Variants in CPED1 observed in about 807,000 individuals in gnomAD.
The protein encoded by CPED1 is cadherin like and PC-esterase domain containing 1.
CPED1 carries 114 observed loss-of-function variants against 128.2 expected under a neutral mutation model. The observed-to-expected ratio is 0.89, with a 90% CI of 0.76 to 1.04. CPED1 has a LOEUF of 1.04. CPED1 is among the 50% of genes least tolerant of loss of function. The pLI is 0.00. For missense variants in CPED1, 1,211 were observed against 1,207.1 expected (o/e 1.00, Z -0.05); for synonymous variants, 462 against 426.7 (o/e 1.08, Z -1.02).
intron 5 of CPED1, among the ~76,000 whole-genome samples, chr7:121,093,590 C>T (rs965676109): frequency 7.9e-5 from 12 of 152,130 alleles, no homozygotes; most frequent in African/African-American, 2.9e-4. Flanking sequence ...AGACTGCATC[C>T]ACAGGGCAAC....
chr7:121,198,002 T>C (rs1221567333), intron 16 of CPED1, among the ~76,000 whole-genome samples: 3 of 152,172 alleles, frequency 2.0e-5, no homozygotes, highest in African/African-American at 7.2e-5. Context: ...TGGGGAGATA[T>C]GTTCAGAAAT....
chr7:121,194,022 C>CTCTCTCTATATA (rs1484413430), intron 16 of CPED1, among the ~76,000 whole-genome samples: 2 of 74,748 alleles, frequency 2.7e-5, no homozygotes, highest in East Asian at 3.8e-4. Flanking sequence ...CTCTCTCTCT[C>CTCTCTCTATATA]TATATATATA....
intron 16 of CPED1, among the ~76,000 whole-genome samples, chr7:121,179,749 C>T (rs1403359297): frequency 6.6e-6 from 1 of 152,042 alleles, no homozygotes; most frequent in South Asian, 2.1e-4. Context: ...TATTAAAGGT[C>T]ATTGTTCCTT....
intron 16 of CPED1, among the ~76,000 whole-genome samples, chr7:121,228,878 A>G (rs1183786767): frequency 1.3e-5 from 2 of 152,114 alleles, no homozygotes; most frequent in Non-Finnish European, 2.9e-5. Context: ...TAAACCAGGC[A>G]CAAAAAGACA....
intron 16 of CPED1, among the ~76,000 whole-genome samples, chr7:121,194,048 ATTT>A (rs68159246): frequency 1.1e-3 from 54 of 47,436 alleles, no homozygotes; most frequent in African/African-American, 2.5e-3. Flanking sequence ...ATATATATAT[ATTT>A]TTTTTTTTTT....
intron 2 of CPED1, among the ~76,000 whole-genome samples, chr7:120,990,846 C>A (rs750006068): frequency 6.6e-6 from 1 of 152,142 alleles, no homozygotes; most frequent in African/African-American, 2.4e-5. Context: ...CCATTATTAC[C>A]AAAACCTCCA....
rs1168697284 is a variant in CPED1 at position 121,140,895 on chromosome 7, C to A, written c.1768C>A (p.His590Asn). ...ACATTTGGAACTAAATCCTGACTTT[C>A]ATCCAAAGATCAAAGATTATTACTG... Reference protein sequence around the residue: ...HPHLELNPDFHPKIKDYYCEV... With the variant: ...HPHLELNPDFNPKIKDYYCEV... The change falls in exon 15 of 23, where the codon CAT becomes AAT. Residue 590 changes from histidine to asparagine, a missense_variant. His to Asn is a moderately conservative substitution (Grantham distance 68). Coordinates refer to ENST00000310396, the MANE Select transcript of CPED1 (RefSeq NM_024913.5). 3.7e-6 allele frequency: 6 copies of A among 1,611,778 alleles called. No homozygotes were observed. The African/African-American group carries it at 4.0e-5, about 11-fold the overall frequency.
At chr7:121,113,362 C>A (rs901857384) in intron 7 of CPED1, among the ~76,000 whole-genome samples, 2 of 152,098 alleles carry the variant, frequency 1.3e-5, no homozygotes, top group African/African-American at 4.8e-5. Flanking sequence ...GGGCAGAATG[C>A]AAGGCATGAC....
At chr7:121,093,779 TCTC>T (rs1194554723) in intron 5 of CPED1, among the ~76,000 whole-genome samples, 2 of 152,148 alleles carry the variant, frequency 1.3e-5, no homozygotes, top group Non-Finnish European at 1.5e-5. Flanking sequence ...TCTGGAAACT[TCTC>T]CTTCCTGGGC....
rs143490484 is a variant in CPED1, at chr7:121,067,202, A to T, written c.616+2889A>T. 6.7e-3 allele frequency among the ~76,000 whole-genome samples: 1,024 copies of T among 152,030 alleles called. 13 individuals carry two copies. Among genetic ancestry groups the T allele is most frequent in the African/African-American group, 0.022 (924 of 41,476 alleles). On this transcript the variant is annotated intron_variant, in intron 5 of 22. Coordinates refer to ENST00000310396, the MANE Select transcript of CPED1 (RefSeq NM_024913.5). ...ATATGTATACATGTGCCATGTTGGT[A>T]TGCTGCAACCATTAGCTCGTCATTT... is the stretch of plus-strand genomic sequence containing the variant.
intron 16 of CPED1, among the ~76,000 whole-genome samples, chr7:121,188,026 C>T (rs1398859776): frequency 1.3e-5 from 2 of 152,096 alleles, no homozygotes; most frequent in Non-Finnish European, 2.9e-5. Context: ...GTAATTTAAA[C>T]ACTGGATACT....
intron 2 of CPED1, among the ~76,000 whole-genome samples, chr7:121,002,941 A>G (rs1791902438): frequency 6.6e-6 from 1 of 152,180 alleles, no homozygotes; most frequent in Non-Finnish European, 1.5e-5. Context: ...ATGTAACCAT[A>G]CCCTGTGACA....
chr7:121,284,517 C>G (rs575066357), intron 22 of CPED1, among the ~76,000 whole-genome samples: 7 of 152,240 alleles, frequency 4.6e-5, no homozygotes, highest in African/African-American at 1.7e-4. Flanking sequence ...ACCAATGAGC[C>G]ACCAAAACCA....
chr7:121,255,122 C>G (rs11763675), intron 18 of CPED1, among the ~76,000 whole-genome samples: 63,075 of 151,708 alleles, frequency 0.42, 13,549 homozygotes, highest in Middle Eastern at 0.52. Flanking sequence ...AAAACTTCAG[C>G]CCAGTTTGCC....
chr7:120,994,016 G>A (rs754202667), intron 2 of CPED1: 1 of 247,876 alleles, frequency 4.0e-6, no homozygotes, highest in South Asian at 3.5e-5. Context: ...CTGTGAGTAG[G>A]AGCTTCCAGG....
At chr7:121,086,867 G>A (rs1243313144) in intron 5 of CPED1, among the ~76,000 whole-genome samples, 3 of 152,138 alleles carry the variant, frequency 2.0e-5, no homozygotes, top group Non-Finnish European at 4.4e-5. Flanking sequence ...CTCTCCTAAT[G>A]GAAAATTCAT....
chr7:121,018,208 AT>A (rs1585020578), intron 3 of CPED1, among the ~76,000 whole-genome samples: 1 of 152,178 alleles, frequency 6.6e-6, no homozygotes, highest in Non-Finnish European at 1.5e-5. Context: ...AAAAGAAAAC[AT>A]TTTTATTGCA....
chr7:121,160,448 C>T (rs892203301), intron 16 of CPED1, among the ~76,000 whole-genome samples: 10 of 152,072 alleles, frequency 6.6e-5, no homozygotes, highest in African/African-American at 2.4e-4. Context: ...AGACTATGTC[C>T]CCCCAACCTG....
intron 7 of CPED1, among the ~76,000 whole-genome samples, chr7:121,117,100 A>ATATATATATATAAAT (rs1450957943): frequency 2.8e-5 from 2 of 70,648 alleles, no homozygotes; most frequent in Non-Finnish European, 6.2e-5. Context: ...TATATATATA[A>ATATATATATATAAAT]ATATATATAT....
Sources: gnomAD v4.1 joint callset for allele counts (sites outside exome capture counted in the v4.1 genomes callset) on GRCh38, gnomAD v4.1.1 for gene constraint, MANE v1.5 for transcripts, NCBI Gene and HGNC (gene_info 2026-07-23, HGNC 2026-07-21) for gene names.